The following LRRC53 variants were observed in gnomAD, a reference collection of about 807,000 sequenced individuals.
LRRC53 encodes the protein leucine rich repeat containing 53.
In LRRC53, 25 loss-of-function variants were observed where a neutral mutation model predicts 13.6. That is an observed-to-expected ratio of 1.83 (90% CI 1.34 to 2.56). LRRC53 has a LOEUF of 2.56. Ranked by LOEUF, LRRC53 falls within the 30% of genes most tolerant of loss-of-function variation. The pLI, the probability that LRRC53 is intolerant of heterozygous loss-of-function variation, is 0.00. For missense variants in LRRC53, 527 were observed against 275.8 expected (o/e 1.91, Z -6.45); for synonymous variants, 204 against 109.8 (o/e 1.86, Z -5.37).
chr1:74,528,833 C>T, the LRRC53 span, among the ~76,000 whole-genome samples: 5 of 152,096 alleles, frequency 3.3e-5, no homozygotes, highest in East Asian at 1.9e-4. Context: ...TTTCCAAATA[C>T]TATTATTTAC....
At position 74,471,836 on chromosome 1, in the gene LRRC53, G is replaced by A. The variant is rs1185678056; in HGVS notation, c.1786C>T (p.His596Tyr). The A allele has an allele frequency of 8.9e-6, 4 of 448,526 alleles. No individual in the cohort carries two copies. The highest frequency in any genetic ancestry group is 1.6e-5 in the Non-Finnish European group (4 of 254,486). 27.8% of individuals were successfully genotyped at this position (448,526 alleles called of 1,614,324 possible). A position where few individuals can be genotyped will look rare whatever the true frequency, so the allele number is the denominator to read the frequency against. Reference protein sequence around the residue: ...MKEKKPNRRQHSKPEKEQIQI... With the variant: ...MKEKKPNRRQYSKPEKEQIQI... ...ATTTGCTCTTTCTCAGGCTTTGAGT[G>A]TTGTCTACGATTTGGCTTCTTTTCT... is the stretch of plus-strand genomic sequence containing the variant. Residue 596 changes from histidine (H) to tyrosine (Y), a missense_variant, in exon 5 of 5, where the codon CAC (histidine) becomes TAC (tyrosine). Transcript: ENST00000294635.
At chr1:74,486,265 T>G (rs1377202320) in intron 1 of LRRC53, among the ~76,000 whole-genome samples, 1 of 149,114 alleles carries the variant, frequency 6.7e-6, no homozygotes, top group Non-Finnish European at 1.5e-5. Context: ...TTCTTCTAAG[T>G]GACTCACTCC....
the LRRC53 span, among the ~76,000 whole-genome samples, chr1:74,534,304 C>T: frequency 2.0e-5 from 3 of 152,108 alleles, no homozygotes; most frequent in Admixed American, 6.6e-5. Flanking sequence ...AAGCCACGCT[C>T]AGAAGAATGT....
intron 1 of LRRC53, among the ~76,000 whole-genome samples, chr1:74,508,282 A>G (rs1670008097): frequency 6.6e-6 from 1 of 152,260 alleles, no homozygotes; most frequent in South Asian, 2.1e-4. Flanking sequence ...TATAATAAAA[A>G]TAGTAATAAT....
the LRRC53 span, among the ~76,000 whole-genome samples, chr1:74,526,315 G>A: frequency 6.6e-5 from 10 of 152,128 alleles, no homozygotes; most frequent in Non-Finnish European, 1.5e-4. Context: ...GTATTGCTCT[G>A]TGGGCTCCAA....
chr1:74,520,785 G>A, the LRRC53 span, among the ~76,000 whole-genome samples: 2 of 152,092 alleles, frequency 1.3e-5, no homozygotes, highest in African/African-American at 4.8e-5. Flanking sequence ...CCTTTGAGTT[G>A]CAACATGTGG....
intron 3 of LRRC53, among the ~76,000 whole-genome samples, chr1:74,478,879 C>T (rs1196088651): frequency 2.0e-5 from 3 of 152,156 alleles, no homozygotes; most frequent in African/African-American, 7.2e-5. Context: ...TATTTCTTAG[C>T]ACATACAATT....
At chr1:74,483,476 T>C in intron 1 of LRRC53, 101 bp from the exon 2 acceptor site, 1 of 586,656 alleles carries the variant, frequency 1.7e-6, no homozygotes, top group Admixed American at 2.6e-5. Context: ...ATTTCTACTG[T>C]TCAATGAGCA....
chr1:74,519,695 GA>G, the LRRC53 span, among the ~76,000 whole-genome samples: 8 of 152,068 alleles, frequency 5.3e-5, no homozygotes, highest in African/African-American at 1.7e-4. Flanking sequence ...TAACCCCACA[GA>G]ATATATCTTT....
At chr1:74,501,634 G>A (rs551628698) in intron 1 of LRRC53, among the ~76,000 whole-genome samples, 1 of 152,068 alleles carries the variant, frequency 6.6e-6, no homozygotes, top group Admixed American at 6.6e-5. Context: ...TTACAGGCAC[G>A]CACTACCACG....
intron 1 of LRRC53, among the ~76,000 whole-genome samples, chr1:74,499,247 T>A (rs1465383110): frequency 6.6e-6 from 1 of 152,216 alleles, no homozygotes; most frequent in Non-Finnish European, 1.5e-5. Context: ...GCTCAAGCAA[T>A]CCTCCTGCCT....
upstream of LRRC53, among the ~76,000 whole-genome samples, chr1:74,512,894 G>A (rs1368566360): frequency 6.6e-6 from 1 of 152,198 alleles, no homozygotes; most frequent in Non-Finnish European, 1.5e-5. Context: ...TTATGATGGG[G>A]TCACTATGTG....
chr1:74,493,353 T>C (rs1269711025), intron 1 of LRRC53, among the ~76,000 whole-genome samples: 4 of 152,186 alleles, frequency 2.6e-5, no homozygotes, highest in Admixed American at 6.5e-5. Flanking sequence ...GTTATTTCTA[T>C]GCTATGTGAA....
chr1:74,511,821 AAG>A (rs1301392349), intron 1 of LRRC53, among the ~76,000 whole-genome samples: 1 of 152,088 alleles, frequency 6.6e-6, no homozygotes, highest in Non-Finnish European at 1.5e-5. Context: ...GAAAGGAAGA[AAG>A]AGTGTACTAG....
At chr1:74,518,768 T>C in the LRRC53 span, among the ~76,000 whole-genome samples, 1 of 152,104 alleles carries the variant, frequency 6.6e-6, no homozygotes, top group Admixed American at 6.6e-5. Context: ...AAAGGGTGTG[T>C]TTTTAAAACA....
Position 74,485,572 on chromosome 1 carries a change from C to A in LRRC53, c.-26-2197G>T, listed in dbSNP as rs1355307198. Among the ~76,000 whole-genome samples the A allele has an allele frequency of 7.2e-5, 11 of 152,230 alleles. No individual in the cohort carries two copies. In the East Asian group the frequency reaches 2.1e-3, roughly 29 times the overall value. ...AGAATACCCTGTCCTTCAGTGTGGG[C>A]AGAACCTGTGAATATGATGAGATAT... On this transcript the variant is annotated intron_variant, in intron 1 of 4. Transcript: ENST00000294635.
At chr1:74,521,473 TCACA>T in the LRRC53 span, among the ~76,000 whole-genome samples, 1 of 120,930 alleles carries the variant, frequency 8.3e-6, no homozygotes, top group African/African-American at 2.5e-5. Flanking sequence ...CTTATCTCTC[TCACA>T]CACACACACA....
chr1:74,475,566 G>C lies in LRRC53; in HGVS notation c.1149C>G (p.Ser383Arg), dbSNP rs1342503837. The change falls in exon 4 of 5, where the codon AGC (serine) becomes AGG (arginine). Residue 383 changes from serine to arginine, a missense_variant. By Grantham distance (110) the Ser-to-Arg change is moderately radical. Transcript: ENST00000294635. ...RKEMPLLQEN[S>R]HQATSASESA... ...ACTCAGAGGCCGATGTTGCTTGATG[G>C]CTATTTTCCTGTAAAAGTGGCATTT... The C allele has an allele frequency of 5.6e-6, 4 of 717,376 alleles. No individual in the cohort carries two copies. In the East Asian group the frequency reaches 1.1e-4, roughly 19 times the overall value. 44.4% of individuals were successfully genotyped at this position (717,376 alleles called of 1,614,324 possible).
rs1224116536 is a variant in LRRC53, at chr1:74,469,826, T to C, written c.*52A>G. On this transcript the variant is annotated 3_prime_UTR_variant, in exon 5 of 5. Transcript: ENST00000294635. ...CAAAGGCTAGTGGGTGTTTGTCCTCTTGAAGAAAGCTAAAGTAGAAAAGGA... is the reference window on the plus strand; with the variant it reads ...CAAAGGCTAGTGGGTGTTTGTCCTCCTGAAGAAAGCTAAAGTAGAAAAGGA... 1 of 399,880 alleles carries C rather than the reference T, an allele frequency of 2.5e-6. No homozygotes were observed. 24.8% of individuals were successfully genotyped at this position (399,880 alleles called of 1,614,324 possible).
Sources: gnomAD v4.1 joint callset for allele counts (sites outside exome capture counted in the v4.1 genomes callset) on GRCh38, gnomAD v4.1.1 for gene constraint, MANE v1.5 for transcripts, NCBI Gene and HGNC (gene_info 2026-07-23, HGNC 2026-07-21) for gene names.